The following RABEP1 variants were observed in gnomAD, a reference collection of about 807,000 sequenced individuals.
The protein encoded by RABEP1 is rabaptin, RAB GTPase binding effector protein 1, also known as rab GTPase-binding effector protein 1.
In RABEP1, 51 loss-of-function variants were observed where a neutral mutation model predicts 123.4. That is an observed-to-expected ratio of 0.41 (90% CI 0.33 to 0.52). The LOEUF (loss-of-function observed/expected upper bound fraction) is 0.52. Among genes scored for constraint, RABEP1 ranks in the 20% least tolerant of loss-of-function variants. The probability of loss-of-function intolerance (pLI) is 0.16; values close to 1 mark genes in which losing one functional copy is unlikely to be tolerated. For missense variants in RABEP1, 888 were observed against 996.3 expected, an observed-to-expected ratio of 0.89 and a Z score of 1.46; for synonymous variants, 347 against 355.2, an observed-to-expected ratio of 0.98 and a Z score of 0.26.
intron 3 of RABEP1, among the ~76,000 whole-genome samples, chr17:5,332,961 T>G (rs1033794057): frequency 2.6e-5 from 4 of 152,052 alleles, no homozygotes; most frequent in East Asian, 3.9e-4. Flanking sequence ...CTGCACTCTG[T>G]TGGGTAGAAT....
chr17:5,282,619 CA>C (rs2074936764), intron 1 of RABEP1, 99 bp downstream of exon 1: 1 of 858,480 alleles, frequency 1.2e-6, no homozygotes, highest in Non-Finnish European at 1.4e-6. Flanking sequence ...AGGGCGCGCG[CA>C]GGCCCCGGGG....
At chr17:5,333,729 G>A (rs1181307101) in intron 3 of RABEP1, among the ~76,000 whole-genome samples, 2 of 152,160 alleles carry the variant, frequency 1.3e-5, no homozygotes, top group African/African-American at 4.8e-5. Context: ...TTGGTTCCAT[G>A]ATGTCAACAA....
chr17:5,363,198 TCTG>T lies in RABEP1; in HGVS notation c.1668+185_1668+187del, dbSNP rs747950896. ...ATTTCCAGTGGGAGCTCACTAGGAC[TCTG>T]CTTTTTTTTTTTTTGTTTTTGTTTT... On this transcript the variant is annotated intron_variant, in intron 10 of 17. Transcript: ENST00000537505. 2.3e-3 allele frequency among the ~76,000 whole-genome samples: 348 copies of T among 151,252 alleles called. 1 individual carries two copies. The highest frequency in any genetic ancestry group is 2.9e-3 in the Non-Finnish European group (198 of 67,784).
chr17:5,290,984 A>G (rs762112461), intron 1 of RABEP1, among the ~76,000 whole-genome samples: 4 of 152,236 alleles, frequency 2.6e-5, no homozygotes, highest in Non-Finnish European at 4.4e-5. Context: ...TAACTTGCCT[A>G]GAATCCAGGT....
intron 2 of RABEP1, among the ~76,000 whole-genome samples, chr17:5,319,981 A>G (rs1268316960): frequency 2.0e-5 from 3 of 152,200 alleles, no homozygotes; most frequent in African/African-American, 7.2e-5. Flanking sequence ...AATAGCAGAA[A>G]ACTCTCCAAA....
chr17:5,329,053 G>C (rs539008807), intron 2 of RABEP1, among the ~76,000 whole-genome samples: 1 of 117,340 alleles, frequency 8.5e-6, no homozygotes, highest in Non-Finnish European at 1.7e-5. Context: ...AATTGGAGAA[G>C]TTTTACCAGA....
intron 1 of RABEP1, among the ~76,000 whole-genome samples, chr17:5,293,286 T>TC (rs1336305042): frequency 1.3e-5 from 2 of 150,888 alleles, no homozygotes; most frequent in Non-Finnish European, 2.9e-5. Flanking sequence ...AAACTCTGTC[T>TC]CCCCCCTCAA....
chr17:5,285,333 T>G (rs532963333), intron 1 of RABEP1, among the ~76,000 whole-genome samples: 7 of 151,948 alleles, frequency 4.6e-5, no homozygotes, highest in African/African-American at 1.4e-4. Flanking sequence ...AGGGTCTCAT[T>G]GTGTTGCCCA....
rs566716753 is a variant in RABEP1 at position 5,384,126 on chromosome 17, A to G, written c.*903A>G. 5.6e-5 allele frequency: 12 copies of G among 213,900 alleles called. No homozygotes were observed. The South Asian group carries it at 2.1e-3, about 37-fold the overall frequency. The allele number at this position is 213,900 out of a possible 1,614,324, so 13.3% of individuals were successfully genotyped here. On this transcript the variant is annotated 3_prime_UTR_variant, in exon 18 of 18. Coordinates refer to ENST00000537505, the MANE Select transcript of RABEP1 (RefSeq NM_004703.6). ...TAGGCTTACGTACTACTTGTTTCAA[A>G]TGTGTCAAATACAAAAATGGTAACT...
chr17:5,373,693 A>ACACACACAC (rs1910720871), intron 13 of RABEP1, among the ~76,000 whole-genome samples: 1 of 135,254 alleles, frequency 7.4e-6, no homozygotes, highest in Admixed American at 7.6e-5. Context: ...ACACCAGCTA[A>ACACACACAC]ACACACACAC....
chr17:5,332,417 G>C (rs770863384), intron 3 of RABEP1, among the ~76,000 whole-genome samples: 1 of 152,048 alleles, frequency 6.6e-6, no homozygotes, highest in Admixed American at 6.6e-5. Flanking sequence ...TCATTGTAAG[G>C]CTTAAAAGTC....
At chr17:5,335,530 A>G (rs1906990331) in intron 4 of RABEP1, among the ~76,000 whole-genome samples, 186 bp downstream of exon 4, 1 of 152,158 alleles carries the variant, frequency 6.6e-6, no homozygotes, top group African/African-American at 2.4e-5. Context: ...CCTTCTTCAC[A>G]TTTTTGATCA....
Position 5,376,021 on chromosome 17 carries a change from TGCCACCATGTCTG to T in RABEP1, c.2026-1092_2026-1080del, listed in dbSNP as rs537505576. ...CTGAGTAGCTGGGACTACAGGTGTG[TGCCACCATGTCTG>T]GCTACCATGTTGGCCAGGCTGGTCT... On this transcript the variant is annotated intron_variant, in intron 13 of 17. Coordinates refer to ENST00000537505, the MANE Select transcript of RABEP1 (RefSeq NM_004703.6). Among the ~76,000 whole-genome samples, 9 of 152,238 alleles carry T rather than the reference TGCCACCATGTCTG, an allele frequency of 5.9e-5. No homozygotes were observed. The South Asian group carries it at 1.9e-3, about 32-fold the overall frequency.
At chr17:5,296,810 A>G (rs575633565) in intron 1 of RABEP1, among the ~76,000 whole-genome samples, 11 of 152,296 alleles carry the variant, frequency 7.2e-5, no homozygotes, top group Admixed American at 4.6e-4. Flanking sequence ...GCAGTGGTAC[A>G]GTCATGGCTC....
chr17:5,284,943 C>T (rs1422541392), intron 1 of RABEP1, among the ~76,000 whole-genome samples: 1 of 149,700 alleles, frequency 6.7e-6, no homozygotes, highest in Non-Finnish European at 1.5e-5. Flanking sequence ...TTGTTTTATC[C>T]TGTTTCAGAA....
intron 8 of RABEP1, chr17:5,360,960 C>CTTT: frequency 1.5e-5 from 6 of 412,176 alleles, no homozygotes; most frequent in South Asian, 8.7e-5. Flanking sequence ...GCTTACTTAT[C>CTTT]TTTTTTTTTT....
At chr17:5,352,432 A>T (rs542018565) in intron 7 of RABEP1, among the ~76,000 whole-genome samples, 1 of 151,686 alleles carries the variant, frequency 6.6e-6, no homozygotes, top group Admixed American at 6.6e-5. Flanking sequence ...ACCTCAAGTT[A>T]TCTGCCCGTC....
intron 5 of RABEP1, among the ~76,000 whole-genome samples, chr17:5,343,670 CTTTTTTTTTTTTTT>C (rs753410845): frequency 1.0e-5 from 1 of 99,952 alleles, no homozygotes; most frequent in African/African-American, 3.9e-5. Flanking sequence ...TTTCTTTTCT[CTTTTTTTTTTTTTT>C]TTTTTTTTTG....
rs928924654 is a variant in RABEP1 at position 5,308,601 on chromosome 17, C to T, written c.35-93C>T. ...GGAAGAAGCTTGACTACTTGTTTCA[C>T]GTATAGCAATGTACAGCTAGAATAC... On this transcript the variant is annotated intron_variant, in intron 1 of 17. Transcript: ENST00000537505. The T allele has an allele frequency of 1.6e-5, 18 of 1,121,042 alleles. No individual in the cohort carries two copies. The East Asian group carries it at 2.1e-4, about 13-fold the overall frequency. The allele number at this position is 1,121,042 out of a possible 1,614,324, so 69.4% of individuals were successfully genotyped here. A position where few individuals can be genotyped will look rare whatever the true frequency, so the allele number is the denominator to read the frequency against.
Sources: gnomAD v4.1 joint callset for allele counts (sites outside exome capture counted in the v4.1 genomes callset) on GRCh38, gnomAD v4.1.1 for gene constraint, MANE v1.5 for transcripts, NCBI Gene and HGNC (gene_info 2026-07-23, HGNC 2026-07-21) for gene names.